TBL1XR1: variants seen among roughly 807,000 people sequenced by gnomAD.
TBL1XR1 encodes F-box-like/WD repeat-containing protein TBL1XR1.
Under a neutral mutation model 66.9 loss-of-function variants are expected in TBL1XR1, and 5 were observed. The ratio of observed to expected loss-of-function variants is 0.07; its 90% CI spans 0.04 to 0.16. The LOEUF is 0.16. Ranked by LOEUF, TBL1XR1 falls within the 10% of genes least tolerant of loss-of-function variation. The pLI, the probability that TBL1XR1 is intolerant of heterozygous loss-of-function variation, is 1.00. For missense variants in TBL1XR1, 238 were observed against 623.2 expected (o/e 0.38, Z 6.58); for synonymous variants, 210 against 206.0 (o/e 1.02, Z -0.17).
At chr3:177,067,817 A>C (rs1358415949) in intron 2 of TBL1XR1, among the ~76,000 whole-genome samples, 1 of 152,198 alleles carries the variant, frequency 6.6e-6, no homozygotes, top group African/African-American at 2.4e-5. Flanking sequence ...GGACTTAATA[A>C]GGCTTTGCAG....
At chr3:177,099,440 A>G (rs1201200439) in intron 1 of TBL1XR1, 1 of 152,292 alleles carries the variant, frequency 6.6e-6, no homozygotes, top group Non-Finnish European at 1.5e-5. Context: ...AACACTGACC[A>G]GTACAGTTTC....
Position 177,022,334 on chromosome 3 carries a change from T to C in TBL1XR1, c.*3164A>G, listed in dbSNP as rs1360409915. 1 of 152,460 alleles carries C rather than the reference T, an allele frequency of 6.6e-6. No individual in the cohort carries two copies. Among genetic ancestry groups the C allele is most frequent in the African/African-American group, 2.4e-5 (1 of 41,408 alleles). The allele number at this position is 152,460 out of a possible 1,614,324, so 9.4% of individuals were successfully genotyped here. ...TAAAACATACTTACCTAGAGAATAA[T>C]TAAAACAGAATTCAATACAATCTAG... On this transcript the variant is annotated 3_prime_UTR_variant, in exon 16 of 16. Coordinates refer to ENST00000457928, the MANE Select transcript of TBL1XR1 (RefSeq NM_024665.7).
At chr3:177,068,736 A>G (rs1199636018) in intron 2 of TBL1XR1, among the ~76,000 whole-genome samples, 4 of 152,150 alleles carry the variant, frequency 2.6e-5, no homozygotes, top group Non-Finnish European at 4.4e-5. Context: ...TCTTGAAGCC[A>G]GGGCCCAACT....
intron 1 of TBL1XR1, among the ~76,000 whole-genome samples, chr3:177,178,409 C>A (rs4857822): frequency 6.6e-6 from 1 of 151,926 alleles, no homozygotes. Flanking sequence ...CTTGACTTTA[C>A]ACAGTCACAT....
Position 177,082,328 on chromosome 3 carries a change from A to C in TBL1XR1, c.-46+16138T>G, listed in dbSNP as rs191344378. Among the ~76,000 whole-genome samples, 773 of 152,230 alleles carry C rather than the reference A, an allele frequency of 5.1e-3. 7 individuals carry two copies. Among genetic ancestry groups the C allele is most frequent in the Non-Finnish European group, 5.8e-3 (392 of 68,010 alleles). ...AACCCTTATAACATCAAGTAATTTC[A>C]TGTTATGTTCTAAAATGAATTTAAA... On this transcript the variant is annotated intron_variant, in intron 2 of 15. Transcript: ENST00000457928.
intron 1 of TBL1XR1, among the ~76,000 whole-genome samples, chr3:177,120,522 C>T (rs759644544): frequency 1.3e-5 from 2 of 152,252 alleles, no homozygotes; most frequent in African/African-American, 2.4e-5. Context: ...AATCTGACTA[C>T]GTTCCCTTAC....
chr3:177,065,300 T>C (rs946611720), intron 2 of TBL1XR1, among the ~76,000 whole-genome samples: 22 of 152,200 alleles, frequency 1.4e-4, no homozygotes, highest in African/African-American at 5.3e-4. Context: ...TTTTATCAAA[T>C]AGCATAAAAT....
At position 177,021,966 on chromosome 3, in the gene TBL1XR1, T is replaced by C. The variant is rs1178791606; in HGVS notation, c.*3532A>G. ...GTCATTTTTGCTCACTTAAGTATGA[T>C]CATTTGTGATTCCTTTAAATAGCAA... On this transcript the variant is annotated 3_prime_UTR_variant, in exon 16 of 16. Coordinates refer to ENST00000457928, the MANE Select transcript of TBL1XR1 (RefSeq NM_024665.7). 4 of 152,608 alleles carry C rather than the reference T, an allele frequency of 2.6e-5. No homozygotes were observed. The highest frequency in any genetic ancestry group is 4.4e-5 in the Non-Finnish European group (3 of 67,992). The allele number at this position is 152,608 out of a possible 1,614,324, so 9.5% of individuals were successfully genotyped here.
chr3:177,176,369 G>T (rs1314104492), intron 1 of TBL1XR1, among the ~76,000 whole-genome samples: 1 of 150,422 alleles, frequency 6.6e-6, no homozygotes, highest in South Asian at 2.1e-4. Context: ...GCTAATTTTT[G>T]TATTTTTAAT....
intron 1 of TBL1XR1, among the ~76,000 whole-genome samples, chr3:177,117,043 A>T (rs1726390761): frequency 6.6e-6 from 1 of 152,230 alleles, no homozygotes; most frequent in Non-Finnish European, 1.5e-5. Context: ...TGCTATTGGC[A>T]TTCCGAAAAT....
At chr3:177,120,358 TTA>T (rs1726842121) in intron 1 of TBL1XR1, among the ~76,000 whole-genome samples, 1 of 152,144 alleles carries the variant, frequency 6.6e-6, no homozygotes, top group Non-Finnish European at 1.5e-5. Flanking sequence ...ACCAGTCATT[TTA>T]TAGTGTTAGA....
chr3:177,065,119 T>TA, intron 2 of TBL1XR1, 97 bp from the exon 3 acceptor site: 4 of 812,272 alleles, frequency 4.9e-6, no homozygotes, highest in South Asian at 3.7e-5. Flanking sequence ...TTAAATGATG[T>TA]AAAACGAAGG....
At chr3:177,139,011 A>T (rs1729315308) in intron 1 of TBL1XR1, among the ~76,000 whole-genome samples, 1 of 152,206 alleles carries the variant, frequency 6.6e-6, no homozygotes, top group Non-Finnish European at 1.5e-5. Flanking sequence ...CAACAGAAAC[A>T]TACTTTAACT....
intron 10 of TBL1XR1, among the ~76,000 whole-genome samples, chr3:177,041,616 C>T (rs1246077549): frequency 6.6e-6 from 1 of 152,206 alleles, no homozygotes; most frequent in East Asian, 1.9e-4. Flanking sequence ...AACTCTGCCT[C>T]TACTTGTGTG....
At chr3:177,037,353 T>G (rs1282376324) in intron 12 of TBL1XR1, 1 of 152,342 alleles carries the variant, frequency 6.6e-6, no homozygotes. Flanking sequence ...TTACTATTGG[T>G]GATGTCTAAT....
intron 1 of TBL1XR1, among the ~76,000 whole-genome samples, chr3:177,180,034 C>T (rs1259465505): frequency 6.6e-6 from 1 of 151,918 alleles, no homozygotes; most frequent in African/African-American, 2.4e-5. Flanking sequence ...GTCAGGAGAT[C>T]GAGACCATCC....
intron 1 of TBL1XR1, among the ~76,000 whole-genome samples, chr3:177,162,133 T>C (rs1009774840): frequency 6.6e-6 from 1 of 152,236 alleles, no homozygotes; most frequent in Non-Finnish European, 1.5e-5. Context: ...TGCTTTAGAA[T>C]GTTCACAGCA....
intron 1 of TBL1XR1, among the ~76,000 whole-genome samples, chr3:177,135,127 G>A (rs1382502486): frequency 1.3e-5 from 2 of 151,142 alleles, no homozygotes; most frequent in Non-Finnish European, 3.0e-5. Flanking sequence ...TCAGCCTCCC[G>A]AGTAGCTGGG....
At chr3:177,173,817 G>A (rs558830669) in intron 1 of TBL1XR1, among the ~76,000 whole-genome samples, 1 of 152,098 alleles carries the variant, frequency 6.6e-6, no homozygotes, top group Admixed American at 6.6e-5. Flanking sequence ...GGGTACACTG[G>A]AACTTTGTAC....
Sources: allele counts gnomAD v4.1 joint callset (sites outside exome capture counted in the v4.1 genomes callset), GRCh38; gene constraint gnomAD v4.1.1; transcripts MANE v1.5; gene names NCBI Gene and HGNC (gene_info 2026-07-23, HGNC 2026-07-21).